The following NWD2 variants were observed in gnomAD, a reference collection of about 807,000 sequenced individuals.
The protein encoded by NWD2 is NACHT and WD repeat domain-containing protein 2.
NWD2 carries 37 observed loss-of-function variants against 132.7 expected under a neutral mutation model. The observed-to-expected ratio is 0.28, with a 90% CI of 0.21 to 0.37. NWD2 has a LOEUF of 0.37. Among genes scored for constraint, NWD2 ranks in the 10% least tolerant of loss-of-function variants. NWD2 has a pLI of 1.00. For synonymous variants in NWD2, 705 were observed against 803.0 expected, an observed-to-expected ratio of 0.88 and a Z score of 2.06; for missense variants, 1,592 against 2,122.4, an observed-to-expected ratio of 0.75 and a Z score of 4.91.
intron 3 of NWD2, among the ~76,000 whole-genome samples, chr4:37,386,733 A>G (rs1045423738): frequency 1.3e-5 from 2 of 152,164 alleles, no homozygotes; most frequent in Non-Finnish European, 2.9e-5. Context: ...GTGATCACCA[A>G]TATTGAAGGT....
At chr4:37,335,297 GGGC>G (rs1256165494) in intron 2 of NWD2, among the ~76,000 whole-genome samples, 21 of 48,294 alleles carry the variant, frequency 4.3e-4, no homozygotes, top group African/African-American at 9.6e-4. Context: ...ACTGGGGGGT[GGGC>G]GGGGGGGGGG....
intron 1 of NWD2, among the ~76,000 whole-genome samples, chr4:37,246,222 A>G (rs935754003): frequency 2.4e-4 from 37 of 152,350 alleles, no homozygotes; most frequent in African/African-American, 8.9e-4. Context: ...AAAAGTCCAC[A>G]TTCAAACGAT....
At chr4:37,333,941 AG>A (rs1330855782) in intron 2 of NWD2, among the ~76,000 whole-genome samples, 1 of 152,112 alleles carries the variant, frequency 6.6e-6, no homozygotes, top group African/African-American at 2.4e-5. Context: ...GGAATGTATC[AG>A]AGTCTCTTAC....
chr4:37,384,892 G>T (rs540988921), intron 3 of NWD2, among the ~76,000 whole-genome samples: 1 of 152,224 alleles, frequency 6.6e-6, no homozygotes, highest in East Asian at 1.9e-4. Context: ...ATCCTAAAGG[G>T]CCCACACTTG....
At chr4:37,340,997 C>T (rs1719507182) in intron 2 of NWD2, among the ~76,000 whole-genome samples, 1 of 152,138 alleles carries the variant, frequency 6.6e-6, no homozygotes, top group African/African-American at 2.4e-5. Flanking sequence ...CATACAGCCT[C>T]GTTTGTTCTC....
chr4:37,323,075 T>G (rs182509331), intron 1 of NWD2, among the ~76,000 whole-genome samples: 1 of 152,300 alleles, frequency 6.6e-6, no homozygotes, highest in East Asian at 1.9e-4. Context: ...TTCTAACCCC[T>G]CTGCCCTTTG....
chr4:37,307,319 AGTG>A (rs1718730103), intron 1 of NWD2, among the ~76,000 whole-genome samples: 1 of 151,262 alleles, frequency 6.6e-6, no homozygotes, highest in Non-Finnish European at 1.5e-5. Context: ...GTGTAGGTCT[AGTG>A]GTAAATTCCC....
At chr4:37,279,455 G>A (rs1028707897) in intron 1 of NWD2, among the ~76,000 whole-genome samples, 2 of 152,170 alleles carry the variant, frequency 1.3e-5, no homozygotes, top group Non-Finnish European at 2.9e-5. Flanking sequence ...GTGAATATCA[G>A]TTGATTTTTC....
At chr4:37,341,263 T>A (rs555601910) in intron 2 of NWD2, among the ~76,000 whole-genome samples, 2 of 152,322 alleles carry the variant, frequency 1.3e-5, no homozygotes, top group South Asian at 4.1e-4. Flanking sequence ...CTGAGCACCT[T>A]TAAGGTAGAC....
intron 1 of NWD2, among the ~76,000 whole-genome samples, chr4:37,264,941 G>A (rs1717717822): frequency 6.6e-6 from 1 of 152,066 alleles, no homozygotes; most frequent in African/African-American, 2.4e-5. Context: ...ATGCTAGAGG[G>A]TGCTTACTGC....
At chr4:37,310,253 T>A (rs1248289593) in intron 1 of NWD2, among the ~76,000 whole-genome samples, 1 of 152,240 alleles carries the variant, frequency 6.6e-6, no homozygotes, top group Non-Finnish European at 1.5e-5. Flanking sequence ...CTGTGTGTTA[T>A]TTAGTTTTAT....
chr4:37,392,390 AG>A (rs1720695246), intron 3 of NWD2, among the ~76,000 whole-genome samples: 1 of 152,134 alleles, frequency 6.6e-6, no homozygotes, highest in Admixed American at 6.5e-5. Context: ...TCCCAGCCTC[AG>A]CTATACTGAC....
intron 1 of NWD2, among the ~76,000 whole-genome samples, chr4:37,297,905 T>A (rs572020390): frequency 6.6e-6 from 1 of 152,148 alleles, no homozygotes. Context: ...CTGAGAGGGT[T>A]TTTTCCAAGA....
At chr4:37,321,893 A>T (rs1274697805) in intron 1 of NWD2, among the ~76,000 whole-genome samples, 1 of 152,232 alleles carries the variant, frequency 6.6e-6, no homozygotes, top group Non-Finnish European at 1.5e-5. Context: ...AGAAAGGCTC[A>T]AAATATCTGA....
intron 2 of NWD2, among the ~76,000 whole-genome samples, chr4:37,347,571 T>A (rs1326629158): frequency 2.0e-5 from 3 of 152,314 alleles, no homozygotes; most frequent in Admixed American, 6.5e-5. Context: ...TTACAATTTA[T>A]ACCAATTTAA....
chr4:37,347,917 G>A (rs1719668888), intron 2 of NWD2, among the ~76,000 whole-genome samples: 1 of 152,216 alleles, frequency 6.6e-6, no homozygotes, highest in Admixed American at 6.5e-5. Context: ...ACTAAAGGGT[G>A]CCATACACAT....
chr4:37,318,316 G>A (rs887489329), intron 1 of NWD2, among the ~76,000 whole-genome samples: 107 of 152,250 alleles, frequency 7.0e-4, no homozygotes, highest in African/African-American at 2.4e-3. Context: ...ATGAGCCACT[G>A]CGCCTGGCCA....
Position 37,446,381 on chromosome 4 carries a change from T to C in NWD2, c.4393T>C (p.Trp1465Arg). The C allele has an allele frequency of 6.4e-7, 1 of 1,551,814 alleles. No homozygotes were observed. The highest frequency in any genetic ancestry group is 8.7e-7 in the Non-Finnish European group (1 of 1,147,020). Residue 1465 changes from tryptophan (W) to arginine (R), a missense_variant, in exon 7 of 7, where the codon TGG becomes CGG. By Grantham distance (101) the Trp-to-Arg change is moderately radical. Around this residue, in one of 7 missense-constraint regions of NWD2, gnomAD observed 24 missense variants for 65.2 expected, o/e 0.37. Transcript: ENST00000309447. The surrounding 1 kb of genome is among the most constrained non-coding windows in gnomAD (Gnocchi z 6.7). ...AAGCAAAGTGTTGGCAGTCAGTCTTTGGACAGGAAGTATCACCAAGAAATT... is the reference window on the plus strand; with the variant it reads ...AAGCAAAGTGTTGGCAGTCAGTCTTCGGACAGGAAGTATCACCAAGAAATT... ...TKSKVLAVSL[W>R]TGSITKKFCC...
At chr4:37,410,822 G>A (rs987719750) in intron 3 of NWD2, among the ~76,000 whole-genome samples, 1 of 152,128 alleles carries the variant, frequency 6.6e-6, no homozygotes. Flanking sequence ...AATCAAATTA[G>A]AACTCAGGAT....
Sources: allele counts gnomAD v4.1 joint callset (sites outside exome capture counted in the v4.1 genomes callset), GRCh38; gene constraint gnomAD v4.1.1; regional missense constraint gnomAD v4.1.1; non-coding constraint Gnocchi (gnomAD v3.1); transcripts MANE v1.5; gene names NCBI Gene and HGNC (gene_info 2026-07-23, HGNC 2026-07-21).